The following KCNQ5 variants were observed in gnomAD, a reference collection of about 807,000 sequenced individuals.
The protein encoded by KCNQ5 is potassium voltage-gated channel subfamily Q member 5, also known as potassium voltage-gated channel subfamily KQT member 5.
KCNQ5 carries 30 observed loss-of-function variants against 98.2 expected under a neutral mutation model. The ratio of observed to expected loss-of-function variants is 0.31; its 90% CI spans 0.23 to 0.41. The LOEUF is 0.41. Among genes scored for constraint, KCNQ5 ranks in the 10% least tolerant of loss-of-function variants. The pLI, the probability that KCNQ5 is intolerant of heterozygous loss-of-function variation, is 1.00. For missense variants in KCNQ5, 835 were observed against 1,182.5 expected (o/e 0.71, Z 4.31); for synonymous variants, 458 against 449.4 (o/e 1.02, Z -0.24).
chr6:72,679,225 A>T (rs1329860274), intron 1 of KCNQ5, among the ~76,000 whole-genome samples: 1 of 152,176 alleles, frequency 6.6e-6, no homozygotes. Flanking sequence ...ATTACAGGGT[A>T]TATACCCAAA....
At chr6:72,695,433 T>C (rs1768438002) in intron 1 of KCNQ5, among the ~76,000 whole-genome samples, 1 of 152,186 alleles carries the variant, frequency 6.6e-6, no homozygotes, top group South Asian at 2.1e-4. Flanking sequence ...CACCATCTTG[T>C]CACATTTCCT....
intron 1 of KCNQ5, among the ~76,000 whole-genome samples, chr6:72,718,930 T>TA (rs1769805579): frequency 6.6e-6 from 1 of 152,224 alleles, no homozygotes; most frequent in Admixed American, 6.5e-5. Context: ...TTTTGTTTTA[T>TA]AAAAATAACT....
At chr6:73,023,507 C>T (rs1770707505) in intron 2 of KCNQ5, among the ~76,000 whole-genome samples, 1 of 152,000 alleles carries the variant, frequency 6.6e-6, no homozygotes, top group African/African-American at 2.4e-5. Flanking sequence ...AAATAGTAGC[C>T]ACCATTATGA....
At chr6:73,137,947 T>A (rs181432054) in intron 10 of KCNQ5, among the ~76,000 whole-genome samples, 63 of 152,268 alleles carry the variant, frequency 4.1e-4, no homozygotes, top group African/African-American at 1.3e-3. Context: ...AGATTCCCCT[T>A]CCCATATAAG....
At chr6:72,723,727 T>C (rs1770103030) in intron 1 of KCNQ5, among the ~76,000 whole-genome samples, 4 of 152,112 alleles carry the variant, frequency 2.6e-5, no homozygotes, top group Admixed American at 2.6e-4. Flanking sequence ...ATCCATTGGA[T>C]TTTGGAGCAA....
intron 1 of KCNQ5, among the ~76,000 whole-genome samples, chr6:72,982,487 CTTTTTTTTTTTTTT>C (rs141947372): frequency 3.3e-5 from 2 of 60,260 alleles, no homozygotes; most frequent in Non-Finnish European, 5.7e-5. Flanking sequence ...GCAACCCCTG[CTTTTTTTTTTTTTT>C]TTTTTTTTGC....
In KCNQ5 at chr6:72,635,602, C is replaced by A. The variant is rs183943727; in HGVS notation, c.398+13015C>A. ...CTCCCCTTCCACATTTACATTTTCCCTGGATGTTTCTTACTTTCCCTTTCC... is the reference window on the plus strand; with the variant it reads ...CTCCCCTTCCACATTTACATTTTCCATGGATGTTTCTTACTTTCCCTTTCC... On this transcript the variant is annotated intron_variant, in intron 1 of 13. Coordinates refer to ENST00000370398, the MANE Select transcript of KCNQ5 (RefSeq NM_019842.4). Among the ~76,000 whole-genome samples the A allele has an allele frequency of 2.0e-5, 3 of 151,112 alleles. No individual in the cohort carries two copies. In the East Asian group the frequency reaches 5.8e-4, roughly 29 times the overall value.
chr6:73,017,524 T>C (rs1770404632), intron 2 of KCNQ5, among the ~76,000 whole-genome samples: 1 of 151,932 alleles, frequency 6.6e-6, no homozygotes, highest in African/African-American at 2.4e-5. Context: ...ACACCAGGGG[T>C]TACAACTAAA....
intron 3 of KCNQ5, among the ~76,000 whole-genome samples, chr6:73,057,269 A>C (rs566934783): frequency 6.7e-6 from 1 of 149,152 alleles, no homozygotes; most frequent in African/African-American, 2.5e-5. Flanking sequence ...ATAGGTGGGA[A>C]TTGAACAATG....
intron 1 of KCNQ5, chr6:72,678,646 A>G (rs1582101131): frequency 6.6e-6 from 1 of 152,218 alleles, no homozygotes; most frequent in East Asian, 1.9e-4. Flanking sequence ...ATACCATAAT[A>G]TAAAACTTGG....
intron 1 of KCNQ5, among the ~76,000 whole-genome samples, chr6:72,917,310 T>C (rs1780188847): frequency 6.6e-6 from 1 of 152,140 alleles, no homozygotes; most frequent in Non-Finnish European, 1.5e-5. Flanking sequence ...AAATTTGAAA[T>C]ATTTTTAAAA....
At chr6:72,629,087 T>G (rs2098919450) in intron 1 of KCNQ5, among the ~76,000 whole-genome samples, 1 of 152,192 alleles carries the variant, frequency 6.6e-6, no homozygotes, top group Non-Finnish European at 1.5e-5. Flanking sequence ...AGATGCTCCA[T>G]GCATACATAC....
chr6:73,186,860 T>TATAC (rs1488369135), intron 11 of KCNQ5, among the ~76,000 whole-genome samples: 1 of 152,074 alleles, frequency 6.6e-6, no homozygotes, highest in African/African-American at 2.4e-5. Context: ...GTTACATAGG[T>TATAC]ATACATGTGC....
intron 1 of KCNQ5, among the ~76,000 whole-genome samples, chr6:72,962,210 TATA>T (rs1214881686): frequency 1.4e-5 from 2 of 140,748 alleles, no homozygotes; most frequent in African/African-American, 5.3e-5. Flanking sequence ...TACATATATA[TATA>T]TATACACACA....
intron 5 of KCNQ5, among the ~76,000 whole-genome samples, chr6:73,086,097 A>G (rs775695927): frequency 1.3e-5 from 2 of 152,112 alleles, no homozygotes; most frequent in Non-Finnish European, 2.9e-5. Flanking sequence ...AATACTGCTG[A>G]TGACATTAGA....
intron 1 of KCNQ5, among the ~76,000 whole-genome samples, chr6:72,864,921 C>A (rs1777919320): frequency 6.6e-6 from 1 of 152,182 alleles, no homozygotes; most frequent in African/African-American, 2.4e-5. Flanking sequence ...GGAAAACTAG[C>A]ATTGTAAGAA....
intron 1 of KCNQ5, among the ~76,000 whole-genome samples, chr6:72,764,553 G>A (rs1772466922): frequency 6.6e-6 from 1 of 151,878 alleles, no homozygotes; most frequent in South Asian, 2.1e-4. Context: ...TGTGAAATAA[G>A]CACGTCACGA....
At chr6:73,020,961 C>T (rs1296659077) in intron 2 of KCNQ5, among the ~76,000 whole-genome samples, 1 of 152,114 alleles carries the variant, frequency 6.6e-6, no homozygotes, top group African/African-American at 2.4e-5. Context: ...GCCAGCAATA[C>T]TAAACCATTC....
chr6:72,744,789 G>A (rs1400636536), intron 1 of KCNQ5, among the ~76,000 whole-genome samples: 2 of 151,446 alleles, frequency 1.3e-5, no homozygotes, highest in Non-Finnish European at 2.9e-5. Flanking sequence ...CCAGACTGGT[G>A]ACAGAGCGAG....
Sources: gnomAD v4.1 joint callset for allele counts (sites outside exome capture counted in the v4.1 genomes callset) on GRCh38, gnomAD v4.1.1 for gene constraint, MANE v1.5 for transcripts, NCBI Gene and HGNC (gene_info 2026-07-23, HGNC 2026-07-21) for gene names.